GSE1: variants seen among roughly 807,000 people sequenced by gnomAD.
The protein encoded by GSE1 is Gse1 coiled-coil protein.
A neutral mutation model predicts 112.6 loss-of-function variants in GSE1; 32 were observed. That is an observed-to-expected ratio of 0.28 (90% CI 0.21 to 0.38). The LOEUF is 0.38. Among genes scored for constraint, GSE1 ranks in the 10% least tolerant of loss-of-function variants. The pLI is 1.00. For synonymous variants in GSE1, 1,115 were observed against 735.6 expected (o/e 1.52, Z -8.35); for missense variants, 2,348 against 1,699.2 (o/e 1.38, Z -6.71).
At chr16:85,565,439 CT>C (rs1219550046) in intron 1 of GSE1, among the ~76,000 whole-genome samples, 1 of 152,048 alleles carries the variant, frequency 6.6e-6, no homozygotes, top group East Asian at 1.9e-4. Context: ...AACCAACCCC[CT>C]GTGCTTGTTT....
chr16:85,271,466 A>C (rs1216838412), intron 1 of GSE1, among the ~76,000 whole-genome samples: 1 of 152,200 alleles, frequency 6.6e-6, no homozygotes, highest in African/African-American at 2.4e-5. Context: ...GGAAGTATGA[A>C]TGTGGTTCTT....
intron 1 of GSE1, among the ~76,000 whole-genome samples, chr16:85,227,815 A>G (rs904447490): frequency 2.6e-5 from 4 of 152,184 alleles, no homozygotes; most frequent in African/African-American, 9.7e-5. Flanking sequence ...TCATTCCCTC[A>G]CTGTTTGCTG....
At chr16:85,658,164 G>T (rs1370033078) in intron 8 of GSE1, among the ~76,000 whole-genome samples, 1 of 152,182 alleles carries the variant, frequency 6.6e-6, no homozygotes, top group Admixed American at 6.5e-5. Context: ...TATGAGCTGG[G>T]CCCCAGTGCC....
chr16:85,503,866 A>G (rs562621893), intron 2 of GSE1, among the ~76,000 whole-genome samples: 12 of 152,346 alleles, frequency 7.9e-5, no homozygotes, highest in Admixed American at 2.0e-4. Flanking sequence ...ATAACATATT[A>G]TGCCAGGGAC....
chr16:85,642,612 C>T (rs1283432225), intron 2 of GSE1, among the ~76,000 whole-genome samples: 1 of 152,240 alleles, frequency 6.6e-6, no homozygotes, highest in African/African-American at 2.4e-5. Flanking sequence ...AGGGCTCTGG[C>T]CCTGCTAAGC....
chr16:85,433,585 A>G (rs1054724178), intron 2 of GSE1, among the ~76,000 whole-genome samples: 1 of 149,770 alleles, frequency 6.7e-6, no homozygotes, highest in East Asian at 2.0e-4. Flanking sequence ...GAAGAGAAGG[A>G]TCCTGGATGG....
intron 1 of GSE1, among the ~76,000 whole-genome samples, chr16:85,180,330 G>A (rs1414179634): frequency 1.3e-5 from 2 of 152,218 alleles, no homozygotes; most frequent in African/African-American, 4.8e-5. Flanking sequence ...GGGAGAGGAG[G>A]CAGCCCAGGG....
chr16:85,335,431 G>A (rs150713215), intron 1 of GSE1, among the ~76,000 whole-genome samples: 6 of 152,368 alleles, frequency 3.9e-5, no homozygotes, highest in South Asian at 2.1e-4. Flanking sequence ...AGTAATTAGC[G>A]CGGAGCCGGG....
intron 2 of GSE1, among the ~76,000 whole-genome samples, chr16:85,420,957 G>GCAGGGGGCGCGCTGCAGTCGGC (rs1446037102): frequency 6.6e-6 from 1 of 152,062 alleles, no homozygotes; most frequent in Admixed American, 6.5e-5. Flanking sequence ...CTGCAGTCGG[G>GCAGGGGGCGCGCTGCAGTCGGC]CTGCAGCGTC....
At chr16:85,642,215 G>A (rs2050503779) in intron 2 of GSE1, among the ~76,000 whole-genome samples, 1 of 152,278 alleles carries the variant, frequency 6.6e-6, no homozygotes, top group South Asian at 2.1e-4. Context: ...GGAGGCTGAG[G>A]TGGGAGGATC....
intron 12 of GSE1, among the ~76,000 whole-genome samples, chr16:85,665,489 T>G (rs987668212): frequency 6.6e-6 from 1 of 152,224 alleles, no homozygotes; most frequent in Non-Finnish European, 1.5e-5. Context: ...GCCCGCAGCC[T>G]GGTCCTGCCA....
At chr16:85,231,596 T>C (rs1904287608) in intron 1 of GSE1, among the ~76,000 whole-genome samples, 1 of 152,052 alleles carries the variant, frequency 6.6e-6, no homozygotes, top group Admixed American at 6.5e-5. Context: ...GGACCAGTGG[T>C]TAGATGCACG....
chr16:85,261,139 G>T (rs969213207), intron 1 of GSE1, among the ~76,000 whole-genome samples: 1 of 152,184 alleles, frequency 6.6e-6, no homozygotes, highest in African/African-American at 2.4e-5. Flanking sequence ...GGCTGCCCAG[G>T]GTCTGGGCCA....
Position 85,436,030 on chromosome 16 carries a change from C to A in GSE1, c.2464+78387C>A, listed in dbSNP as rs369541165. On this transcript the variant is annotated intron_variant, in intron 2 of 2. Coordinates refer to the GSE1 transcript ENST00000637419. ...GGGTCTGCATTTCCAGGGCCAGAAC[C>A]CTGCTGGGCAGCTTCCAGAAGCTTC... is the stretch of plus-strand genomic sequence containing the variant. 3.9e-5 allele frequency among the ~76,000 whole-genome samples: 6 copies of A among 152,184 alleles called. No homozygotes were observed. In the East Asian group the frequency reaches 7.7e-4, roughly 20 times the overall value.
intron 1 of GSE1, among the ~76,000 whole-genome samples, chr16:85,313,800 A>C (rs1161900913): frequency 6.6e-6 from 1 of 152,214 alleles, no homozygotes; most frequent in Non-Finnish European, 1.5e-5. Flanking sequence ...GGCAATGTCC[A>C]CCCTGGGCTG....
intron 1 of GSE1, among the ~76,000 whole-genome samples, chr16:85,222,481 C>T (rs1177046274): frequency 2.0e-5 from 3 of 152,204 alleles, no homozygotes; most frequent in African/African-American, 7.2e-5. Context: ...CCAAGACGTG[C>T]CTGACGGTTC....
Position 85,663,593 on chromosome 16 carries a change from A to T in GSE1, c.2623A>T (p.Ile875Phe). ...CCTGACCATCTTCAACCTGACCCAC[A>T]TCAGCGCTGAGAAGAGGAAAGGTAG... ...KFLTIFNLTHISAEKRKDKER... is the reference protein window; with the variant it reads ...KFLTIFNLTHFSAEKRKDKER... Residue 875 changes from isoleucine (I) to phenylalanine (F), a missense_variant, in exon 11 of 16, where the codon ATC becomes TTC. Physicochemically the swap from Ile to Phe is conservative, Grantham distance 21. Coordinates refer to ENST00000253458, the MANE Select transcript of GSE1 (RefSeq NM_014615.5). 6.2e-7 allele frequency: 1 copy of T among 1,613,658 alleles called. No individual in the cohort carries two copies.
intron 1 of GSE1, among the ~76,000 whole-genome samples, chr16:85,175,305 G>A (rs984770112): frequency 3.3e-5 from 5 of 152,192 alleles, no homozygotes; most frequent in Admixed American, 6.5e-5. Context: ...GGGGAGGGCT[G>A]AAGCCTGCTC....
intron 1 of GSE1, among the ~76,000 whole-genome samples, chr16:85,292,142 CTTT>C (rs34933476): frequency 6.5e-5 from 9 of 137,756 alleles, no homozygotes; most frequent in Admixed American, 1.5e-4. Context: ...AAGAATGAAC[CTTT>C]TTTTTTTTTT....
Sources: allele counts gnomAD v4.1 joint callset (sites outside exome capture counted in the v4.1 genomes callset), GRCh38; gene constraint gnomAD v4.1.1; transcripts MANE v1.5; gene names NCBI Gene and HGNC (gene_info 2026-07-23, HGNC 2026-07-21).